Variants in MLLT10 observed in about 807,000 individuals in gnomAD.
The protein encoded by MLLT10 is MLLT10 histone lysine methyltransferase DOT1L cofactor.
In MLLT10, 30 loss-of-function variants were observed where a neutral mutation model predicts 129.1. The observed-to-expected ratio is 0.23, with a 90% CI of 0.17 to 0.32. MLLT10 has a LOEUF of 0.32. Among genes scored for constraint, MLLT10 ranks in the 10% least tolerant of loss-of-function variants. The probability of loss-of-function intolerance (pLI) is 1.00; values close to 1 mark genes in which losing one functional copy is unlikely to be tolerated. For synonymous variants in MLLT10, 490 were observed against 446.4 expected, an observed-to-expected ratio of 1.10 and a Z score of -1.23; for missense variants, 1,119 against 1,268.3, an observed-to-expected ratio of 0.88 and a Z score of 1.79.
At chr10:21,564,488 T>C (rs2039288295) in intron 3 of MLLT10, 3 of 152,090 alleles carry the variant, frequency 2.0e-5, no homozygotes, top group African/African-American at 7.2e-5. Flanking sequence ...TGGAACACTT[T>C]AAGAATTTGC....
intron 13 of MLLT10, among the ~76,000 whole-genome samples, chr10:21,683,640 A>C (rs962981868): frequency 6.6e-6 from 1 of 152,170 alleles, no homozygotes; most frequent in African/African-American, 2.4e-5. Context: ...TGGGTGATTG[A>C]GGGAGAGTCT....
At chr10:21,585,984 C>G (rs2041946423) in intron 3 of MLLT10, among the ~76,000 whole-genome samples, 1 of 152,190 alleles carries the variant, frequency 6.6e-6, no homozygotes, top group Non-Finnish European at 1.5e-5. Context: ...TGGTCTCGAA[C>G]TCCCGACCTC....
chr10:21,560,290 C>T (rs1384268270), intron 3 of MLLT10, among the ~76,000 whole-genome samples: 3 of 152,142 alleles, frequency 2.0e-5, no homozygotes, highest in South Asian at 2.1e-4. Context: ...TGAGCCACCA[C>T]GCCTGGCCTG....
At chr10:21,646,003 G>A (rs139378395) in intron 8 of MLLT10, among the ~76,000 whole-genome samples, 64 of 152,228 alleles carry the variant, frequency 4.2e-4, no homozygotes, top group African/African-American at 1.5e-3. Context: ...CCCGGAGTTC[G>A]AGACCAGCCT....
chr10:21,632,093 TTAAA>T (rs2047064227), intron 8 of MLLT10, among the ~76,000 whole-genome samples: 1 of 152,188 alleles, frequency 6.6e-6, no homozygotes, highest in South Asian at 2.1e-4. Context: ...ACCTGCTTGC[TTAAA>T]TAAATAACTT....
intron 8 of MLLT10, among the ~76,000 whole-genome samples, chr10:21,637,485 G>T (rs2047571464): frequency 6.6e-6 from 1 of 152,176 alleles, no homozygotes; most frequent in Non-Finnish European, 1.5e-5. Context: ...CCAGAAACTT[G>T]TTGAGCAGGT....
intron 3 of MLLT10, among the ~76,000 whole-genome samples, chr10:21,545,789 C>G (rs1005061130): frequency 1.3e-5 from 2 of 152,172 alleles, no homozygotes; most frequent in Non-Finnish European, 2.9e-5. Flanking sequence ...ACTTCAGTCT[C>G]CTGAGTAGCT....
At chr10:21,674,884 A>G (rs1353657397) in intron 11 of MLLT10, among the ~76,000 whole-genome samples, 1 of 152,230 alleles carries the variant, frequency 6.6e-6, no homozygotes, top group African/African-American at 2.4e-5. Context: ...GATACAATTT[A>G]ATGAAGAATG....
chr10:21,571,955 A>G (rs148884614), intron 3 of MLLT10: 1 of 152,298 alleles, frequency 6.6e-6, no homozygotes, highest in East Asian at 1.9e-4. Flanking sequence ...AGTTTAATTT[A>G]TCAGTGTTTT....
intron 5 of MLLT10, among the ~76,000 whole-genome samples, chr10:21,597,485 T>A (rs1247744849): frequency 6.6e-6 from 1 of 152,160 alleles, no homozygotes; most frequent in Non-Finnish European, 1.5e-5. Context: ...TTCTTGTGCC[T>A]CAGCGTCCCG....
At chr10:21,580,462 C>T (rs2041285154) in intron 3 of MLLT10, among the ~76,000 whole-genome samples, 1 of 149,364 alleles carries the variant, frequency 6.7e-6, no homozygotes, top group African/African-American at 2.5e-5. Flanking sequence ...GATCTTGGCT[C>T]ACTGCAACCT....
chr10:21,578,927 T>A (rs2041080068), intron 3 of MLLT10, among the ~76,000 whole-genome samples: 1 of 152,252 alleles, frequency 6.6e-6, no homozygotes, highest in South Asian at 2.1e-4. Context: ...GAGTTGAAAG[T>A]CTTCTAAGTT....
intron 13 of MLLT10, among the ~76,000 whole-genome samples, chr10:21,684,181 A>G (rs1356594798): frequency 6.6e-6 from 1 of 151,686 alleles, no homozygotes; most frequent in African/African-American, 2.4e-5. Context: ...TGGCTAATAC[A>G]TTATTTTCTG....
chr10:21,658,143 C>T (rs913186424), intron 9 of MLLT10, among the ~76,000 whole-genome samples: 6 of 152,026 alleles, frequency 3.9e-5, no homozygotes, highest in African/African-American at 9.7e-5. Flanking sequence ...ATATTATACA[C>T]GATACATTGC....
chr10:21,650,696 C>G (rs1248397619), intron 8 of MLLT10, among the ~76,000 whole-genome samples: 2 of 152,016 alleles, frequency 1.3e-5, no homozygotes, highest in African/African-American at 4.8e-5. Flanking sequence ...TGTAGTGATT[C>G]AAACAACAGA....
At chr10:21,575,015 G>A (rs1243160442) in intron 3 of MLLT10, among the ~76,000 whole-genome samples, 2 of 152,068 alleles carry the variant, frequency 1.3e-5, no homozygotes, top group Non-Finnish European at 2.9e-5. Flanking sequence ...CAAGATAGAG[G>A]CATTCTGGTT....
chr10:21,579,464 A>G (rs985756740), intron 3 of MLLT10, among the ~76,000 whole-genome samples: 1 of 147,024 alleles, frequency 6.8e-6, no homozygotes, highest in African/African-American at 2.5e-5. Flanking sequence ...GCCTTTGGTT[A>G]TGCATGTGAG....
chr10:21,741,274 T>C (rs565627658), intron 22 of MLLT10, among the ~76,000 whole-genome samples: 83 of 151,974 alleles, frequency 5.5e-4, no homozygotes, highest in African/African-American at 1.3e-3. Flanking sequence ...TAGTATTTTT[T>C]CCCCCCCAGT....
chr10:21,666,086 G>A (rs990458857), intron 9 of MLLT10, among the ~76,000 whole-genome samples: 1 of 152,028 alleles, frequency 6.6e-6, no homozygotes, highest in African/African-American at 2.4e-5. Flanking sequence ...TCTGTCTGCT[G>A]TATGTTTGAT....
Sources: allele counts gnomAD v4.1 joint callset (sites outside exome capture counted in the v4.1 genomes callset), GRCh38; gene constraint gnomAD v4.1.1; transcripts MANE v1.5; gene names NCBI Gene and HGNC (gene_info 2026-07-23, HGNC 2026-07-21).